Variants in SGSM3 observed in about 807,000 individuals in gnomAD.
SGSM3 encodes the protein RUN and SH3 containing 3.
Under a neutral mutation model 100.5 loss-of-function variants are expected in SGSM3, and 96 were observed. The ratio of observed to expected loss-of-function variants is 0.96; its 90% CI spans 0.81 to 1.13. SGSM3 has a LOEUF of 1.13. SGSM3 is among the 50% of genes most tolerant of loss of function. SGSM3 has a pLI of 0.00. For missense variants in SGSM3, 1,001 were observed against 1,015.8 expected, an observed-to-expected ratio of 0.99 and a Z score of 0.20; for synonymous variants, 483 against 422.8, an observed-to-expected ratio of 1.14 and a Z score of -1.75.
At chr22:40,393,981 C>T (rs1266166388) in intron 1 of SGSM3, among the ~76,000 whole-genome samples, 2 of 152,216 alleles carry the variant, frequency 1.3e-5, no homozygotes, top group Non-Finnish European at 2.9e-5. Context: ...CACAACACAA[C>T]ACACTATTCG....
chr22:40,401,526 G>T (rs181495063), intron 2 of SGSM3, 67 bp from the exon 3 acceptor site: 11 of 1,285,910 alleles, frequency 8.6e-6, no homozygotes, highest in Non-Finnish European at 1.1e-5. Flanking sequence ...GATTACAGGC[G>T]TGAGCCACTG....
At chr22:40,387,081 G>A in intron 1 of SGSM3, 1 of 395,146 alleles carries the variant, frequency 2.5e-6, no homozygotes, top group Admixed American at 4.4e-5. Flanking sequence ...GATAACTAGA[G>A]TTGTGCTAGT....
At position 40,408,288 on chromosome 22, in the gene SGSM3, G is replaced by A. The variant is rs376494213; in HGVS notation, c.1641G>A (p.Ala547=). 9.1e-5 allele frequency: 147 copies of A among 1,613,594 alleles called. No individual in the cohort carries two copies. The highest frequency in any genetic ancestry group is 1.7e-4 in the Middle Eastern group (1 of 6,058). ...ATCCCTCCCATCAGTACTCCATCGC[G>A]GGGGATGACTCGGTGACGGAGGGGG... The part of the protein sequence containing the change: ...LDERSKEYSI[A]GDDSVTEGVT... The change falls in exon 16 of 22, where the codon GCG becomes GCA. Residue 547 remains alanine (A), a synonymous_variant. Transcript: ENST00000248929.
chr22:40,409,542 T>C lies in SGSM3; in HGVS notation c.2172+17T>C. ...AAGAGAGAGGTGGGTGGTGTGGGCC[T>C]CGTAGGGCCTGCACTGATGGAGCTG... is the stretch of plus-strand genomic sequence containing the variant. On this transcript the variant is annotated intron_variant, in intron 21 of 21. Coordinates refer to ENST00000248929, the MANE Select transcript of SGSM3 (RefSeq NM_015705.6). The C allele has an allele frequency of 6.2e-7, 1 of 1,606,268 alleles. No individual in the cohort carries two copies. Among genetic ancestry groups the C allele is most frequent in the Non-Finnish European group, 8.5e-7 (1 of 1,177,142 alleles).
chr22:40,385,111 AAGTC>A (rs2048216010), intron 1 of SGSM3, among the ~76,000 whole-genome samples: 1 of 152,222 alleles, frequency 6.6e-6, no homozygotes, highest in Non-Finnish European at 1.5e-5. Context: ...AAACCAAAGT[AAGTC>A]AGCAGAGTCT....
intron 1 of SGSM3, among the ~76,000 whole-genome samples, chr22:40,394,645 C>CAAAA (rs34700924): frequency 1.7e-4 from 14 of 84,126 alleles, no homozygotes; most frequent in African/African-American, 6.0e-4. Context: ...ACTCCTGTCT[C>CAAAA]AAAAAAAAAA....
chr22:40,404,541 G>C lies in SGSM3; in HGVS notation c.367-16G>C, dbSNP rs921343351. The C allele has an allele frequency of 1.2e-6, 2 of 1,612,498 alleles. No homozygotes were observed. The highest frequency in any genetic ancestry group is 1.7e-6 in the Non-Finnish European group (2 of 1,178,840). The stretch of plus-strand genomic sequence containing the variant: ...CACGAGAAAGACTGAGTGCCCTTGC[G>C]GCTCCCTTCCCTCAGCTGTGGATGC... On this transcript the variant is annotated splice_polypyrimidine_tract_variant and intron_variant, in intron 5 of 21. Transcript: ENST00000248929.
Position 40,396,455 on chromosome 22 carries a change from T to C in SGSM3, c.-111-4241T>C, listed in dbSNP as rs577178748. 3.6e-4 allele frequency among the ~76,000 whole-genome samples: 55 copies of C among 152,004 alleles called. 1 individual carries two copies. The South Asian group carries it at 0.011, about 32-fold the overall frequency. On this transcript the variant is annotated intron_variant, in intron 1 of 21. Coordinates refer to ENST00000248929, the MANE Select transcript of SGSM3 (RefSeq NM_015705.6). ...AAAAATACAAAAAATTAGCCAGGCG[T>C]GGTGGCACATGCCTGTGATCCCAGC...
At chr22:40,403,533 G>A (rs963949555) in intron 4 of SGSM3, among the ~76,000 whole-genome samples, 1 of 152,184 alleles carries the variant, frequency 6.6e-6, no homozygotes, top group African/African-American at 2.4e-5. Flanking sequence ...ATACTTCCAG[G>A]GATAGAGAAG....
In SGSM3 at chr22:40,405,232, G is replaced by A. The variant is rs753127820; in HGVS notation, c.566G>A (p.Arg189Gln). 68 of 1,573,674 alleles carry A rather than the reference G, an allele frequency of 4.3e-5. No individual in the cohort carries two copies. Among genetic ancestry groups the A allele is most frequent in the Middle Eastern group, 1.7e-4 (1 of 5,946 alleles). Reference sequence around the variant, plus strand: ...GTGCCCCGCCTGCGCAGGGTGCTCCGGGCCCTGGCCTGGCTCTACCCAGAG... The same window carrying A: ...GTGCCCCGCCTGCGCAGGGTGCTCCAGGCCCTGGCCTGGCTCTACCCAGAG... ...IGVPRLRRVL[R>Q]ALAWLYPEIG... The change falls in exon 7 of 22, where the codon CGG becomes CAG. Residue 189 changes from arginine (R) to glutamine (Q), a missense_variant. By Grantham distance (43) the Arg-to-Gln change is conservative. Transcript: ENST00000248929.
rs571815817 is a variant in SGSM3, at chr22:40,402,094, C to T, written c.91-45C>T. The T allele has an allele frequency of 3.4e-6, 5 of 1,479,554 alleles. 1 individual carries two copies. In the South Asian group the frequency reaches 4.5e-5, roughly 13 times the overall value. 91.7% of individuals were successfully genotyped at this position (1,479,554 alleles called of 1,614,324 possible). On this transcript the variant is annotated intron_variant, in intron 3 of 21. Coordinates refer to ENST00000248929, the MANE Select transcript of SGSM3 (RefSeq NM_015705.6). The stretch of plus-strand genomic sequence containing the variant: ...TGGCATCTTTCAGACCTGAGGCCCC[C>T]AACTAGGGGACAGGCAACTGACTTC...
chr22:40,401,262 T>A (rs2050721369), intron 2 of SGSM3, among the ~76,000 whole-genome samples: 2 of 152,112 alleles, frequency 1.3e-5, no homozygotes, highest in Admixed American at 6.6e-5. Flanking sequence ...ATTTTTTTTT[T>A]ATTTTTTTGA....
Position 40,404,612 on chromosome 22 carries a change from A to G in SGSM3, c.422A>G (p.Tyr141Cys), listed in dbSNP as rs1002565374. The change falls in exon 6 of 22, where the codon TAC becomes TGC. Residue 141 changes from tyrosine to cysteine, a missense_variant. Physicochemically the swap from Tyr to Cys is radical, Grantham distance 194. Coordinates refer to ENST00000248929, the MANE Select transcript of SGSM3 (RefSeq NM_015705.6). ...LQKKRNSELS[Y>C]REIVKNSSND... ...AAGAAGAGGAACTCTGAGCTGTCCT[A>G]CCGCGAGATTGTGAAGAACAGCTCC... The G allele has an allele frequency of 1.9e-5, 31 of 1,613,618 alleles. 1 individual carries two copies. In the Admixed American group the frequency reaches 4.3e-4, roughly 23 times the overall value.
chr22:40,400,985 C>G (rs941989690), intron 2 of SGSM3, among the ~76,000 whole-genome samples, 172 bp downstream of exon 2: 6 of 152,214 alleles, frequency 3.9e-5, no homozygotes, highest in African/African-American at 1.4e-4. Flanking sequence ...CTCAGCTCTG[C>G]TCTCTAGCTC....
At position 40,405,301 on chromosome 22, in the gene SGSM3, AAAGGGCAGTGGCAGCCCCAGG is replaced by A. The variant is rs1410893962; in HGVS notation, c.618+19_618+39del. 55 of 1,476,640 alleles carry A rather than the reference AAAGGGCAGTGGCAGCCCCAGG, an allele frequency of 3.7e-5. No homozygotes were observed. Among genetic ancestry groups the A allele is most frequent in the Non-Finnish European group, 4.6e-5 (51 of 1,112,986 alleles). The allele number at this position is 1,476,640 out of a possible 1,614,324, so 91.5% of individuals were successfully genotyped here. On this transcript the variant is annotated intron_variant, in intron 7 of 21. Coordinates refer to ENST00000248929, the MANE Select transcript of SGSM3 (RefSeq NM_015705.6). Reference sequence around the variant, plus strand: ...ACCGGCATGGTGAGCACAGCCCCAGAAAGGGCAGTGGCAGCCCCAGGACCCCCTCCAGGACCCTAACAAGGA... The same window carrying A: ...ACCGGCATGGTGAGCACAGCCCCAGAACCCCCTCCAGGACCCTAACAAGGA...
chr22:40,383,945 T>C (rs1265589849), intron 1 of SGSM3, among the ~76,000 whole-genome samples: 2 of 152,136 alleles, frequency 1.3e-5, no homozygotes, highest in East Asian at 1.9e-4. Flanking sequence ...TGATTTGATA[T>C]GAGAGTAAAA....
At chr22:40,386,375 ACCT>A (rs917815531) in intron 1 of SGSM3, among the ~76,000 whole-genome samples, 1 of 152,064 alleles carries the variant, frequency 6.6e-6, no homozygotes, top group African/African-American at 2.4e-5. Flanking sequence ...TAAGAGGACA[ACCT>A]CGTGACGTAT....
chr22:40,402,792 A>C (rs1446608747), intron 4 of SGSM3, among the ~76,000 whole-genome samples: 3 of 152,230 alleles, frequency 2.0e-5, no homozygotes, highest in African/African-American at 7.2e-5. Flanking sequence ...TTTATAGTGA[A>C]TATACAGTAT....
Position 40,375,714 on chromosome 22 carries a change from C to A in SGSM3, c.-112+5026C>A, listed in dbSNP as rs142226519. Reference sequence around the variant, plus strand: ...AAATTATGTGACTTTTCTCACCCTTCTCTAGATATCTAATTAGCCTGCAAG... The same window carrying A: ...AAATTATGTGACTTTTCTCACCCTTATCTAGATATCTAATTAGCCTGCAAG... On this transcript the variant is annotated intron_variant, in intron 1 of 21. Transcript: ENST00000248929. 3.9e-4 allele frequency among the ~76,000 whole-genome samples: 59 copies of A among 150,384 alleles called. No individual in the cohort carries two copies. The Middle Eastern group carries it at 0.01, about 26-fold the overall frequency.
Sources: allele counts gnomAD v4.1 joint callset (sites outside exome capture counted in the v4.1 genomes callset), GRCh38; gene constraint gnomAD v4.1.1; transcripts MANE v1.5; gene names NCBI Gene and HGNC (gene_info 2026-07-23, HGNC 2026-07-21).